Variants in AKAP6 observed in about 807,000 individuals in gnomAD.
The protein encoded by AKAP6 is A-kinase anchor protein 6.
A neutral mutation model predicts 188.5 loss-of-function variants in AKAP6; 58 were observed. The observed-to-expected ratio is 0.31, with a 90% CI of 0.25 to 0.38. The LOEUF (loss-of-function observed/expected upper bound fraction) is 0.38. Ranked by LOEUF, AKAP6 falls within the 10% of genes least tolerant of loss-of-function variation. AKAP6 has a pLI of 1.00. For synonymous variants in AKAP6, 989 were observed against 998.6 expected, an observed-to-expected ratio of 0.99 and a Z score of 0.18; for missense variants, 2,710 against 2,740.0, an observed-to-expected ratio of 0.99 and a Z score of 0.24.
At chr14:32,606,123 T>A (rs1886118546) in intron 7 of AKAP6, among the ~76,000 whole-genome samples, 1 of 152,188 alleles carries the variant, frequency 6.6e-6, no homozygotes, top group Non-Finnish European at 1.5e-5. Context: ...AAATAGAGAA[T>A]AGAATTCACC....
At chr14:32,531,381 T>C (rs1231856301) in intron 2 of AKAP6, among the ~76,000 whole-genome samples, 1 of 152,202 alleles carries the variant, frequency 6.6e-6, no homozygotes, top group Non-Finnish European at 1.5e-5. Context: ...CACAGTACCG[T>C]CATGACTTTA....
chr14:32,444,315 T>G (rs1175066388), intron 2 of AKAP6, among the ~76,000 whole-genome samples: 1 of 152,016 alleles, frequency 6.6e-6, no homozygotes, highest in Non-Finnish European at 1.5e-5. Context: ...AGCAGAGGAG[T>G]TAGAGGCAAT....
chr14:32,755,511 AATTATTATT>A (rs61016268), intron 11 of AKAP6, among the ~76,000 whole-genome samples: 4 of 149,094 alleles, frequency 2.7e-5, no homozygotes, highest in East Asian at 2.0e-4. Context: ...AGATTAAGGC[AATTATTATT>A]ATTATTATTA....
Position 32,824,650 on chromosome 14 carries a change from C to T in AKAP6, c.6837C>T (p.Asp2279=), listed in dbSNP as rs539710933. The change falls in exon 13 of 14, where the codon GAC becomes GAT. Residue 2279 remains aspartate, a synonymous_variant. Transcript: ENST00000280979. ...CTTCAGCCAAATCTAAAGTTCAAGA[C>T]CTCTCCTTGAAGGCAAATCAGCCAA... is the stretch of plus-strand genomic sequence containing the variant. ...NAASAKSKVQ[D]LSLKANQPTD... 1.2e-6 allele frequency: 2 copies of T among 1,613,904 alleles called. No individual in the cohort carries two copies. The highest frequency in any genetic ancestry group is 1.7e-6 in the Non-Finnish European group (2 of 1,179,908).
chr14:32,436,663 A>G (rs1163226875), intron 2 of AKAP6, among the ~76,000 whole-genome samples: 2 of 152,232 alleles, frequency 1.3e-5, no homozygotes, highest in African/African-American at 4.8e-5. Context: ...GTAAACAAGC[A>G]TGGTGACTCA....
intron 7 of AKAP6, among the ~76,000 whole-genome samples, chr14:32,657,063 G>T (rs1234299770): frequency 6.6e-6 from 1 of 152,136 alleles, no homozygotes; most frequent in Non-Finnish European, 1.5e-5. Flanking sequence ...AGAACTGAGA[G>T]GTGTCCTTGC....
intron 1 of AKAP6, among the ~76,000 whole-genome samples, chr14:32,429,013 G>T (rs547209260): frequency 6.6e-6 from 1 of 152,182 alleles, no homozygotes; most frequent in Non-Finnish European, 1.5e-5. Context: ...TGGTATTATC[G>T]CTAATGCTGG....
At chr14:32,466,772 C>G (rs975882482) in intron 2 of AKAP6, among the ~76,000 whole-genome samples, 1 of 140,198 alleles carries the variant, frequency 7.1e-6, no homozygotes, top group Non-Finnish European at 1.5e-5. Flanking sequence ...ATTAACCAAT[C>G]GATGTGTAGA....
chr14:32,564,907 A>G (rs1884119048), intron 4 of AKAP6, among the ~76,000 whole-genome samples: 1 of 152,158 alleles, frequency 6.6e-6, no homozygotes, highest in African/African-American at 2.4e-5. Flanking sequence ...TCTATCCTTG[A>G]GAGACTTTGA....
At chr14:32,430,933 T>C (rs1016007932) in intron 1 of AKAP6, among the ~76,000 whole-genome samples, 24 of 152,022 alleles carry the variant, frequency 1.6e-4, no homozygotes, top group African/African-American at 5.6e-4. Flanking sequence ...AGTGAAACCC[T>C]GTCTCTACTA....
intron 2 of AKAP6, among the ~76,000 whole-genome samples, chr14:32,471,662 C>T (rs145614162): frequency 6.6e-6 from 1 of 152,202 alleles, no homozygotes; most frequent in Admixed American, 6.5e-5. Flanking sequence ...CTGTACCCCC[C>T]ACCAGGGCTA....
At chr14:32,473,648 A>T (rs1458674448) in intron 2 of AKAP6, 2 of 152,188 alleles carry the variant, frequency 1.3e-5, no homozygotes, top group African/African-American at 2.4e-5. Context: ...GACAAGGTTC[A>T]TTTGAAGGGG....
intron 2 of AKAP6, among the ~76,000 whole-genome samples, chr14:32,478,203 A>G (rs1206091793): frequency 2.0e-5 from 3 of 152,196 alleles, no homozygotes; most frequent in Non-Finnish European, 2.9e-5. Flanking sequence ...AAGAGCCAAC[A>G]TTAGTGAATG....
At chr14:32,615,845 C>T (rs995087804) in intron 7 of AKAP6, among the ~76,000 whole-genome samples, 5 of 152,070 alleles carry the variant, frequency 3.3e-5, no homozygotes, top group Admixed American at 6.5e-5. Flanking sequence ...CCGCCCACCT[C>T]GGCCTCCCAA....
chr14:32,718,140 A>G (rs1037910668), intron 9 of AKAP6, among the ~76,000 whole-genome samples: 2 of 152,084 alleles, frequency 1.3e-5, no homozygotes, highest in Admixed American at 1.3e-4. Context: ...CTATTTGTGG[A>G]TTTTAGTACA....
chr14:32,737,186 C>G (rs920496773), intron 11 of AKAP6, among the ~76,000 whole-genome samples: 2 of 152,038 alleles, frequency 1.3e-5, no homozygotes, highest in Non-Finnish European at 2.9e-5. Context: ...GAAACTAGTT[C>G]CTTTCTAAAG....
At chr14:32,366,874 AAGGTTATAGCAC>A (rs1292901630) in intron 1 of AKAP6, among the ~76,000 whole-genome samples, 1 of 152,176 alleles carries the variant, frequency 6.6e-6, no homozygotes, top group Non-Finnish European at 1.5e-5. Flanking sequence ...AGACTTATGC[AAGGTTATAGCAC>A]AGCTCAGAGG....
intron 8 of AKAP6, among the ~76,000 whole-genome samples, chr14:32,685,856 A>G (rs1329645679): frequency 6.6e-6 from 1 of 152,210 alleles, no homozygotes; most frequent in East Asian, 1.9e-4. Context: ...AAATTCGTAC[A>G]ACCACTATGG....
intron 2 of AKAP6, among the ~76,000 whole-genome samples, chr14:32,517,438 A>G (rs1301039290): frequency 6.6e-6 from 1 of 152,168 alleles, no homozygotes; most frequent in Non-Finnish European, 1.5e-5. Context: ...GGATTGTTGG[A>G]CAGTGGGTGC....
Sources: allele counts gnomAD v4.1 joint callset (sites outside exome capture counted in the v4.1 genomes callset), GRCh38; gene constraint gnomAD v4.1.1; transcripts MANE v1.5; gene names NCBI Gene and HGNC (gene_info 2026-07-23, HGNC 2026-07-21).